PCDH11X: variants seen among roughly 807,000 people sequenced by gnomAD.
PCDH11X encodes the protein protocadherin-11 X-linked.
Under a neutral mutation model 53.3 loss-of-function variants are expected in PCDH11X, and 18 were observed. That is an observed-to-expected ratio of 0.34 (90% CI 0.23 to 0.50). PCDH11X has a LOEUF of 0.50. PCDH11X is among the 20% of genes least tolerant of loss of function. The pLI is 0.98. For synonymous variants in PCDH11X, 279 were observed against 393.3 expected (o/e 0.71, Z 3.44); for missense variants, 570 against 1,032.4 (o/e 0.55, Z 6.14).
At chrX:91,983,018 G>A (rs1003289154) in intron 6 of PCDH11X, 29 of 1,186,123 alleles carry the variant, frequency 2.4e-5, no homozygotes, top group African/African-American at 1.1e-4. Context: ...GGGTCACTCC[G>A]GACTTTGCAG....
intron 10 of PCDH11X, among the ~76,000 whole-genome samples, chrX:92,495,889 C>T (rs1038480061): frequency 4.1e-4 from 43 of 105,424 alleles, no homozygotes; most frequent in Non-Finnish European, 6.3e-4. Flanking sequence ...TATCTCCCAC[C>T]GAGTCCCTCC....
At chrX:92,529,441 T>A (rs1423955073) in intron 10 of PCDH11X, among the ~76,000 whole-genome samples, 2 of 110,136 alleles carry the variant, frequency 1.8e-5, no homozygotes, top group African/African-American at 3.3e-5. Context: ...TTTGTGTTCA[T>A]AGATCTTGGT....
At chrX:92,075,149 A>G in intron 6 of PCDH11X, among the ~76,000 whole-genome samples, 1 of 109,288 alleles carries the variant, frequency 9.2e-6, no homozygotes, top group Non-Finnish European at 1.9e-5. Flanking sequence ...TGGATTCTAG[A>G]TTCAAAAATA....
chrX:92,606,258 G>A (rs868283525), intron 10 of PCDH11X, among the ~76,000 whole-genome samples: 82 of 38,643 alleles, frequency 2.1e-3, no homozygotes, highest in Middle Eastern at 0.018. Context: ...AAAAAAAAAA[G>A]ACGCTAATGC....
At chrX:92,331,372 T>TTCCTCCTCCTCCTCC (rs778767931) in intron 8 of PCDH11X, among the ~76,000 whole-genome samples, 66 of 83,413 alleles carry the variant, frequency 7.9e-4, no homozygotes, top group Admixed American at 1.6e-3. Flanking sequence ...CCTCCTCCTT[T>TTCCTCCTCCTCCTCC]TCCTCCTCCT....
intron 10 of PCDH11X, among the ~76,000 whole-genome samples, chrX:92,519,567 A>T (rs1402836229): frequency 1.8e-5 from 2 of 110,101 alleles, no homozygotes; most frequent in African/African-American, 6.6e-5. Flanking sequence ...AATTAGTTCA[A>T]TTTATTATAG....
intron 8 of PCDH11X, among the ~76,000 whole-genome samples, chrX:92,332,291 T>C (rs1430095867): frequency 8.9e-6 from 1 of 111,857 alleles, no homozygotes; most frequent in Non-Finnish European, 1.9e-5. Context: ...CAATAGCTTT[T>C]ATTTATTTGT....
At chrX:91,969,310 T>C (rs2061912917) in intron 6 of PCDH11X, among the ~76,000 whole-genome samples, 1 of 111,188 alleles carries the variant, frequency 9.0e-6, no homozygotes, top group Non-Finnish European at 1.9e-5. Flanking sequence ...TCACAGCAAC[T>C]TTTCTTGTAC....
chrX:92,164,474 A>G (rs34024488), intron 6 of PCDH11X, among the ~76,000 whole-genome samples: 15 of 112,319 alleles, frequency 1.3e-4, no homozygotes, highest in Admixed American at 2.8e-4. Context: ...GATCTGAGGT[A>G]TGGCAGGAAT....
chrX:91,974,983 C>T (rs1037623973), intron 6 of PCDH11X, among the ~76,000 whole-genome samples: 1 of 110,858 alleles, frequency 9.0e-6, no homozygotes, highest in African/African-American at 3.3e-5. Context: ...CACTCCTGAA[C>T]TCAGGTGATC....
At chrX:92,121,988 T>G (rs1335987588) in intron 6 of PCDH11X, among the ~76,000 whole-genome samples, 2 of 104,751 alleles carry the variant, frequency 1.9e-5, no homozygotes, top group African/African-American at 7.0e-5. Flanking sequence ...TCTGTTTTTT[T>G]TTTTTTTTTT....
chrX:92,605,891 T>C, intron 10 of PCDH11X, among the ~76,000 whole-genome samples: 1 of 110,302 alleles, frequency 9.1e-6, no homozygotes, highest in Non-Finnish European at 1.9e-5. Flanking sequence ...CTTCACAAAT[T>C]GATCTTCAGA....
chrX:91,930,285 C>T (rs1251113597), intron 6 of PCDH11X, among the ~76,000 whole-genome samples: 10 of 108,434 alleles, frequency 9.2e-5, no homozygotes, highest in South Asian at 4.0e-4. Flanking sequence ...TGGAAGCATA[C>T]CTGATAGTGG....
At chrX:92,334,261 C>G (rs1218173265) in intron 8 of PCDH11X, among the ~76,000 whole-genome samples, 1 of 111,568 alleles carries the variant, frequency 9.0e-6, no homozygotes, top group Non-Finnish European at 1.9e-5. Context: ...ACAGACCATA[C>G]ACAGCACCAT....
At chrX:92,333,755 T>C (rs1376974974) in intron 8 of PCDH11X, among the ~76,000 whole-genome samples, 3 of 110,116 alleles carry the variant, frequency 2.7e-5, no homozygotes, top group Non-Finnish European at 5.7e-5. Context: ...ATCTATGATA[T>C]TTTTGGAAAG....
At chrX:91,857,216 A>G (rs1222701029) in intron 5 of PCDH11X, among the ~76,000 whole-genome samples, 1 of 110,966 alleles carries the variant, frequency 9.0e-6, no homozygotes, top group Non-Finnish European at 1.9e-5. Context: ...TTATGAAACC[A>G]TCAGATCTCA....
At chrX:92,277,643 GGGAT>G (rs1159549606) in intron 8 of PCDH11X, among the ~76,000 whole-genome samples, 1 of 108,971 alleles carries the variant, frequency 9.2e-6, no homozygotes, top group Non-Finnish European at 1.9e-5. Flanking sequence ...ATGGAAATAA[GGGAT>G]GGGGCACAGA....
chrX:92,100,952 T>C (rs1052291015), intron 6 of PCDH11X, among the ~76,000 whole-genome samples: 10 of 111,148 alleles, frequency 9.0e-5, no homozygotes, highest in African/African-American at 3.3e-4. Flanking sequence ...CGGTTTTGTA[T>C]GAACTGAAAA....
At chrX:91,795,760 G>A (rs1174575421) in intron 1 of PCDH11X, among the ~76,000 whole-genome samples, 1 of 111,418 alleles carries the variant, frequency 9.0e-6, no homozygotes, top group Non-Finnish European at 1.9e-5. Flanking sequence ...TTGAATCCAA[G>A]AAGTTTGTTT....
Sources: gnomAD v4.1 joint callset for allele counts (sites outside exome capture counted in the v4.1 genomes callset) on GRCh38, gnomAD v4.1.1 for gene constraint, MANE v1.5 for transcripts, NCBI Gene and HGNC (gene_info 2026-07-23, HGNC 2026-07-21) for gene names.